Variants in GRAMD1B observed in about 807,000 individuals in gnomAD.
GRAMD1B encodes the protein protein Aster-B.
Under a neutral mutation model 99.7 loss-of-function variants are expected in GRAMD1B, and 37 were observed. The observed-to-expected ratio is 0.37, with a 90% CI of 0.29 to 0.49. GRAMD1B has a LOEUF of 0.49. Among genes scored for constraint, GRAMD1B ranks in the 20% least tolerant of loss-of-function variants. GRAMD1B has a pLI of 0.98. For missense variants in GRAMD1B, 888 were observed against 1,009.2 expected (o/e 0.88, Z 1.63); for synonymous variants, 427 against 387.6 (o/e 1.10, Z -1.19).
chr11:123,524,633 C>T (rs1387340854), intron 2 of GRAMD1B, among the ~76,000 whole-genome samples: 1 of 152,122 alleles, frequency 6.6e-6, no homozygotes, highest in Non-Finnish European at 1.5e-5. Context: ...AGCCACTGTG[C>T]GTGACCAAAG....
intron 3 of GRAMD1B, chr11:123,578,446 T>C (rs1245098281): frequency 2.6e-6 from 4 of 1,515,852 alleles, no homozygotes; most frequent in Non-Finnish European, 2.7e-6. Context: ...CCATCTTTTG[T>C]CTCTGTCCTT....
rs142953785 is a variant in GRAMD1B at position 123,370,481 on chromosome 11, C to T, written c.-176+11682C>T. Among the ~76,000 whole-genome samples, 42 of 151,790 alleles carry T rather than the reference C, an allele frequency of 2.8e-4. No homozygotes were observed. The East Asian group carries it at 6.6e-3, about 24-fold the overall frequency. On this transcript the variant is annotated intron_variant, in intron 1 of 20. Transcript: ENST00000638157. ...TCAGCCTCCTGAGTAGCTGGGACTA[C>T]AGTCACATGCCACCACACCTGGCTA...
rs188287228 is a variant in GRAMD1B at position 123,595,520 on chromosome 11, C to T, written c.874-422C>T. 4.1e-3 allele frequency among the ~76,000 whole-genome samples: 628 copies of T among 152,186 alleles called. 4 individuals are homozygous for T. The highest frequency in any genetic ancestry group is 0.014 in the South Asian group (67 of 4,806). On this transcript the variant is annotated intron_variant, in intron 6 of 19. Coordinates refer to ENST00000635736, the MANE Select transcript of GRAMD1B (RefSeq NM_001387025.1). ...TGTTGGTCAGGCTGGTCTTGAACTG[C>T]CGACCTCAGGTGATCCGCCCGCCTC...
intron 1 of GRAMD1B, among the ~76,000 whole-genome samples, chr11:123,364,750 A>G (rs181106019): frequency 1.4e-3 from 216 of 152,252 alleles, no homozygotes; most frequent in Non-Finnish European, 6.3e-4. Context: ...CAGCCCTACA[A>G]GCTGAACGTG....
chr11:123,484,864 G>A (rs1951802430), intron 2 of GRAMD1B, among the ~76,000 whole-genome samples: 1 of 152,156 alleles, frequency 6.6e-6, no homozygotes, highest in Non-Finnish European at 1.5e-5. Context: ...TTCCTACCCA[G>A]TTAAGAGTCT....
intron 2 of GRAMD1B, among the ~76,000 whole-genome samples, chr11:123,517,301 C>A (rs1221180221): frequency 6.6e-6 from 1 of 152,098 alleles, no homozygotes; most frequent in Non-Finnish European, 1.5e-5. Flanking sequence ...ATATTCCCAA[C>A]AAAATAGGGA....
intron 2 of GRAMD1B, among the ~76,000 whole-genome samples, chr11:123,496,639 T>C (rs1037251817): frequency 6.6e-6 from 1 of 151,658 alleles, no homozygotes; most frequent in African/African-American, 2.4e-5. Context: ...CATTGTTTTT[T>C]ATTCTTTTGT....
intron 1 of GRAMD1B, among the ~76,000 whole-genome samples, chr11:123,457,134 A>AAAGAAAGG (rs1555124313): frequency 6.8e-6 from 1 of 147,488 alleles, no homozygotes; most frequent in Admixed American, 7.2e-5. Flanking sequence ...AGAAAGAAAG[A>AAAGAAAGG]AAGAATTAGA....
intron 1 of GRAMD1B, among the ~76,000 whole-genome samples, chr11:123,367,044 A>C (rs974578485): frequency 2.2e-4 from 34 of 152,188 alleles, no homozygotes; most frequent in Admixed American, 9.2e-4. Context: ...TCTCTACAAA[A>C]ATAAAGAACT....
At chr11:123,603,564 GC>G in intron 9 of GRAMD1B, 23 bp downstream of exon 9, 1 of 1,448,528 alleles carries the variant, frequency 6.9e-7, no homozygotes, top group Non-Finnish European at 9.7e-7. Context: ...AAGGGCGGCT[GC>G]CCAGAGGCAG....
At chr11:123,406,828 T>C (rs921821522) in intron 1 of GRAMD1B, among the ~76,000 whole-genome samples, 1 of 152,194 alleles carries the variant, frequency 6.6e-6, no homozygotes, top group Non-Finnish European at 1.5e-5. Flanking sequence ...TATACAATAA[T>C]TGTCATCAGA....
chr11:123,539,228 T>C (rs1490097259), intron 2 of GRAMD1B, among the ~76,000 whole-genome samples: 1 of 151,642 alleles, frequency 6.6e-6, no homozygotes, highest in Non-Finnish European at 1.5e-5. Flanking sequence ...ACCCTGTCTC[T>C]TAAAAACAAA....
At chr11:123,406,200 G>A (rs865846404) in intron 1 of GRAMD1B, among the ~76,000 whole-genome samples, 1 of 151,450 alleles carries the variant, frequency 6.6e-6, no homozygotes, top group Non-Finnish European at 1.5e-5. Flanking sequence ...CTGACTTCAA[G>A]TGATCCTCCT....
In GRAMD1B at chr11:123,419,990, C is replaced by T. The variant is rs542417871; in HGVS notation, c.-175-60826C>T. ...GCACGGAATGATCATGTGAACAAGC[C>T]TTCAAAAAGGAAGACTTTGTTCTGG... On this transcript the variant is annotated intron_variant, in intron 1 of 20. Coordinates refer to the GRAMD1B transcript ENST00000638157. Among the ~76,000 whole-genome samples the T allele has an allele frequency of 2.0e-5, 3 of 152,228 alleles. No homozygotes were observed. In the East Asian group the frequency reaches 5.8e-4, roughly 29 times the overall value.
chr11:123,593,642 G>A (rs937567425), intron 4 of GRAMD1B, among the ~76,000 whole-genome samples: 4 of 152,068 alleles, frequency 2.6e-5, no homozygotes, highest in Non-Finnish European at 4.4e-5. Context: ...TGATAATCAC[G>A]ACAACACCTT....
At chr11:123,508,318 T>C (rs1325656196) in intron 2 of GRAMD1B, among the ~76,000 whole-genome samples, 1 of 152,166 alleles carries the variant, frequency 6.6e-6, no homozygotes, top group African/African-American at 2.4e-5. Context: ...GAGCCCACTC[T>C]TATGATAACT....
At chr11:123,600,424 T>C (rs759352008) in intron 7 of GRAMD1B, 44 bp from the exon 8 acceptor site, 28 of 1,250,648 alleles carry the variant, frequency 2.2e-5, no homozygotes, top group Non-Finnish European at 3.3e-5. Flanking sequence ...TTAATTATAT[T>C]GTAACTCAAC....
At chr11:123,424,805 T>C (rs1731803345) in intron 1 of GRAMD1B, among the ~76,000 whole-genome samples, 1 of 152,226 alleles carries the variant, frequency 6.6e-6, no homozygotes, top group African/African-American at 2.4e-5. Flanking sequence ...AATTCTGCTT[T>C]GAGGGATCAT....
At chr11:123,553,296 A>G (rs766033474) in intron 2 of GRAMD1B, among the ~76,000 whole-genome samples, 6 of 143,656 alleles carry the variant, frequency 4.2e-5, no homozygotes, top group Non-Finnish European at 7.5e-5. Context: ...AGATTAAAAG[A>G]AAATTGGAAA....
Sources: gnomAD v4.1 joint callset for allele counts (sites outside exome capture counted in the v4.1 genomes callset) on GRCh38, gnomAD v4.1.1 for gene constraint, MANE v1.5 for transcripts, NCBI Gene and HGNC (gene_info 2026-07-23, HGNC 2026-07-21) for gene names.